The following GSG1L variants were observed in gnomAD, a reference collection of about 807,000 sequenced individuals.
GSG1L encodes GSG1 like.
In GSG1L, 24 loss-of-function variants were observed where a neutral mutation model predicts 42.1. The observed-to-expected ratio is 0.57, with a 90% confidence interval of 0.41 to 0.80. The LOEUF is 0.80. Ranked by LOEUF, GSG1L falls within the 30% of genes least tolerant of loss-of-function variation. The pLI is 0.00. For missense variants in GSG1L, 445 were observed against 472.2 expected (o/e 0.94, Z 0.53); for synonymous variants, 215 against 203.5 (o/e 1.06, Z -0.48).
chr16:27,820,008 C>T (rs1287716213), intron 5 of GSG1L, among the ~76,000 whole-genome samples: 1 of 151,984 alleles, frequency 6.6e-6, no homozygotes, highest in Non-Finnish European at 1.5e-5. Flanking sequence ...TTGTGGTGAG[C>T]GGGAGGGTCA....
Position 28,063,241 on chromosome 16 carries a change from T to C in GSG1L, c.184A>G (p.Asn62Asp). ...CPNSGANATA[N>D]GTAAPAAAAA... ...GCGGCGGCGGGGGCGGCGGTGCCGT[T>C]GGCCGTGGCGTTGGCGCCCGAGTTG... is the stretch of plus-strand genomic sequence containing the variant. The change falls in exon 1 of 7, where the codon AAC becomes GAC. Residue 62 changes from asparagine (N) to aspartate (D), a missense_variant. This residue lies in a region of GSG1L where 156 missense variants were observed against 128.3 expected (regional missense o/e 1.22). Coordinates refer to ENST00000447459, the MANE Select transcript of GSG1L (RefSeq NM_001109763.2). The surrounding 1 kb of genome is among the most constrained non-coding windows in gnomAD (Gnocchi z 5.8). 2 of 1,274,840 alleles carry C rather than the reference T, an allele frequency of 1.6e-6. No individual in the cohort carries two copies. The highest frequency in any genetic ancestry group is 2.0e-6 in the Non-Finnish European group (2 of 1,012,566). The allele number at this position is 1,274,840 out of a possible 1,614,324, so 79.0% of individuals were successfully genotyped here.
At position 27,789,655 on chromosome 16, in the gene GSG1L, T is replaced by C. The variant is rs1170685615; in HGVS notation, c.*1715A>G. The C allele has an allele frequency of 5.3e-5, 8 of 149,994 alleles. No individual in the cohort carries two copies. The highest frequency in any genetic ancestry group is 4.4e-5 in the Non-Finnish European group (3 of 67,592). The allele number at this position is 149,994 out of a possible 1,614,324, so 9.3% of individuals were successfully genotyped here. On this transcript the variant is annotated 3_prime_UTR_variant, in exon 7 of 7. Transcript: ENST00000447459. ...AACGAATGGGTGGATGGATGATGAA[T>C]GGATGGATGAAAGCATAGACAATGA... is the stretch of plus-strand genomic sequence containing the variant.
At chr16:28,002,892 C>A (rs2085594767) in intron 1 of GSG1L, among the ~76,000 whole-genome samples, 1 of 152,020 alleles carries the variant, frequency 6.6e-6, no homozygotes, top group Non-Finnish European at 1.5e-5. Context: ...AGCCCAGATG[C>A]ACCACTGCAC....
intron 2 of GSG1L, among the ~76,000 whole-genome samples, chr16:27,914,345 G>C (rs2084425975): frequency 6.6e-6 from 1 of 152,112 alleles, no homozygotes; most frequent in African/African-American, 2.4e-5. Context: ...ACATTAAGTG[G>C]AGTACCAAGT....
intron 1 of GSG1L, among the ~76,000 whole-genome samples, chr16:28,025,178 T>A (rs1217035743): frequency 6.6e-6 from 1 of 152,128 alleles, no homozygotes; most frequent in African/African-American, 2.4e-5. Context: ...GAAGAGCAGA[T>A]GAACCAAGGG....
intron 2 of GSG1L, among the ~76,000 whole-genome samples, chr16:27,951,170 A>C (rs1026022023): frequency 6.6e-6 from 1 of 152,202 alleles, no homozygotes; most frequent in Non-Finnish European, 1.5e-5. Context: ...ATTAACTGGC[A>C]TCAGGTGAGC....
At chr16:27,807,385 G>T in intron 6 of GSG1L, 102 bp downstream of exon 6, 15 of 868,914 alleles carry the variant, frequency 1.7e-5, no homozygotes, top group Non-Finnish European at 2.8e-5. Flanking sequence ...AATGCAGGGT[G>T]CAGTGGGGGG....
intron 5 of GSG1L, among the ~76,000 whole-genome samples, chr16:27,823,271 A>G (rs1409437062): frequency 6.6e-6 from 1 of 152,118 alleles, no homozygotes; most frequent in Non-Finnish European, 1.5e-5. Context: ...CAATCCAGCA[A>G]ACCCAACACA....
chr16:28,023,095 C>T (rs981678982), intron 1 of GSG1L, among the ~76,000 whole-genome samples: 34 of 152,220 alleles, frequency 2.2e-4, no homozygotes, highest in African/African-American at 7.0e-4. Flanking sequence ...TCCCAAAATG[C>T]GGGGATTGTA....
Position 27,851,421 on chromosome 16 carries a change from C to T in GSG1L, c.551-6360G>A, listed in dbSNP as rs2083513925. On this transcript the variant is annotated intron_variant, in intron 3 of 6. Coordinates refer to ENST00000447459, the MANE Select transcript of GSG1L (RefSeq NM_001109763.2). ...ATGTTGTCCAGGCTGGTCTTGAACT[C>T]CTGGCCTCAAGAGATCCTCCTGCCA... is the stretch of plus-strand genomic sequence containing the variant. 5.9e-5 allele frequency among the ~76,000 whole-genome samples: 9 copies of T among 152,098 alleles called. No individual in the cohort carries two copies. The South Asian group carries it at 1.5e-3, about 25-fold the overall frequency.
intron 5 of GSG1L, among the ~76,000 whole-genome samples, chr16:27,819,015 C>T (rs932235289): frequency 1.3e-5 from 2 of 151,898 alleles, no homozygotes; most frequent in African/African-American, 2.4e-5. Context: ...TTTGGGAGGC[C>T]GAGGCGAGTG....
intron 2 of GSG1L, among the ~76,000 whole-genome samples, chr16:27,888,731 C>T (rs1465476908): frequency 4.0e-5 from 6 of 151,650 alleles, no homozygotes; most frequent in East Asian, 1.9e-4. Flanking sequence ...AATTCTCCTG[C>T]GTCAGCCTCC....
chr16:27,879,232 A>C (rs1196421585), intron 3 of GSG1L, among the ~76,000 whole-genome samples: 1 of 152,206 alleles, frequency 6.6e-6, no homozygotes. Context: ...TAATGAATGA[A>C]TGAATTATAA....
intron 2 of GSG1L, among the ~76,000 whole-genome samples, chr16:27,947,557 G>GAAAA (rs749206258): frequency 2.6e-5 from 2 of 78,380 alleles, no homozygotes. Context: ...AAGAAAGAAA[G>GAAAA]AAAGAAAGAA....
intron 2 of GSG1L, among the ~76,000 whole-genome samples, chr16:27,940,524 T>C (rs2084777355): frequency 7.1e-6 from 1 of 140,602 alleles, no homozygotes; most frequent in South Asian, 2.4e-4. Flanking sequence ...TATGCAGCCA[T>C]AAAAAATGAT....
chr16:27,828,592 G>C (rs550230126), intron 5 of GSG1L, among the ~76,000 whole-genome samples, 197 bp downstream of exon 5: 1 of 152,198 alleles, frequency 6.6e-6, no homozygotes, highest in Non-Finnish European at 1.5e-5. Context: ...GCAACCTCAT[G>C]ACCTATAAAA....
intron 3 of GSG1L, among the ~76,000 whole-genome samples, chr16:27,856,629 C>T (rs1049957102): frequency 6.6e-6 from 1 of 152,216 alleles, no homozygotes; most frequent in Non-Finnish European, 1.5e-5. Flanking sequence ...AACATTTTTA[C>T]AATGGTAATT....
intron 4 of GSG1L, among the ~76,000 whole-genome samples, chr16:27,842,106 G>GCA (rs1567480955): frequency 8.5e-6 from 1 of 117,260 alleles, no homozygotes; most frequent in African/African-American, 2.9e-5. Flanking sequence ...GCACGATGTC[G>GCA]CGCGTGCCGA....
intron 6 of GSG1L, among the ~76,000 whole-genome samples, chr16:27,792,404 T>C (rs2082765590): frequency 6.6e-6 from 1 of 152,196 alleles, no homozygotes; most frequent in Non-Finnish European, 1.5e-5. Context: ...GGAAAGGCTC[T>C]TCCCCTCTGC....
Sources: gnomAD v4.1 joint callset for allele counts (sites outside exome capture counted in the v4.1 genomes callset) on GRCh38, gnomAD v4.1.1 for gene constraint, gnomAD v4.1.1 regional missense constraint, Gnocchi (gnomAD v3.1) non-coding constraint, MANE v1.5 for transcripts, NCBI Gene and HGNC (gene_info 2026-07-23, HGNC 2026-07-21) for gene names.